The following PCCA variants were observed in gnomAD, a reference collection of about 807,000 sequenced individuals.
PCCA encodes the protein propionyl-CoA carboxylase subunit alpha, also known as propionyl-CoA carboxylase alpha chain, mitochondrial.
Under a neutral mutation model 101.3 loss-of-function variants are expected in PCCA, and 74 were observed. The observed-to-expected ratio is 0.73, with a 90% CI of 0.61 to 0.89. The LOEUF (loss-of-function observed/expected upper bound fraction) is 0.89, where lower values mean the gene tolerates loss of function less well. Among genes scored for constraint, PCCA ranks in the 40% least tolerant of loss-of-function variants. PCCA has a pLI of 0.00. For missense variants in PCCA, 891 were observed against 907.0 expected (o/e 0.98, Z 0.23); for synonymous variants, 294 against 313.6 (o/e 0.94, Z 0.66).
At chr13:100,411,640 C>T (rs1224732128) in intron 19 of PCCA, among the ~76,000 whole-genome samples, 1 of 152,204 alleles carries the variant, frequency 6.6e-6, no homozygotes, top group Non-Finnish European at 1.5e-5. Context: ...TCCTCCAGTT[C>T]TGTAGGCTGA....
intron 21 of PCCA, among the ~76,000 whole-genome samples, chr13:100,492,157 C>T (rs1274301201): frequency 2.6e-4 from 40 of 151,346 alleles, no homozygotes; most frequent in Admixed American, 3.3e-4. Context: ...TTTTTTGGGA[C>T]GGAGTCTCGC....
intron 6 of PCCA, among the ~76,000 whole-genome samples, chr13:100,199,707 G>A (rs1402849803): frequency 6.6e-6 from 1 of 152,016 alleles, no homozygotes. Context: ...CAAAATTTTG[G>A]TAGTTTAATG....
chr13:100,521,842 C>T (rs540435313), intron 22 of PCCA, among the ~76,000 whole-genome samples: 65 of 152,262 alleles, frequency 4.3e-4, no homozygotes, highest in African/African-American at 1.4e-3. Flanking sequence ...CGTGTTTTTC[C>T]GGTGGTCCGG....
intron 19 of PCCA, among the ~76,000 whole-genome samples, chr13:100,395,834 C>G (rs2077018924): frequency 6.6e-6 from 1 of 152,096 alleles, no homozygotes; most frequent in Admixed American, 6.5e-5. Flanking sequence ...TGTTAGGGAG[C>G]CCTATTTCTA....
At chr13:100,336,201 G>A (rs1332740093) in intron 17 of PCCA, among the ~76,000 whole-genome samples, 1 of 152,184 alleles carries the variant, frequency 6.6e-6, no homozygotes, top group Non-Finnish European at 1.5e-5. Flanking sequence ...GGTAAAGGTT[G>A]TGGTGAGCCG....
chr13:100,253,333 C>T (rs1207869542), intron 8 of PCCA, among the ~76,000 whole-genome samples: 1 of 152,140 alleles, frequency 6.6e-6, no homozygotes, highest in African/African-American at 2.4e-5. Flanking sequence ...TCATTGTCTG[C>T]TAGATAGCAG....
intron 20 of PCCA, among the ~76,000 whole-genome samples, chr13:100,440,284 C>T (rs775523422): frequency 8.9e-5 from 13 of 146,050 alleles, no homozygotes; most frequent in African/African-American, 2.2e-4. Flanking sequence ...ATATGATGGA[C>T]GAGATGTTAT....
At chr13:100,428,685 C>A (rs939122586) in intron 20 of PCCA, among the ~76,000 whole-genome samples, 1 of 152,016 alleles carries the variant, frequency 6.6e-6, no homozygotes, top group Admixed American at 6.6e-5. Flanking sequence ...TTGGACCCAC[C>A]CATAGCTTAC....
At chr13:100,204,555 C>T (rs1194621654) in intron 6 of PCCA, among the ~76,000 whole-genome samples, 3 of 152,152 alleles carry the variant, frequency 2.0e-5, no homozygotes, top group Non-Finnish European at 4.4e-5. Context: ...AATTTACTAA[C>T]TTGTGGTATT....
chr13:100,498,061 C>A (rs1454957585), intron 21 of PCCA, among the ~76,000 whole-genome samples: 2 of 151,736 alleles, frequency 1.3e-5, no homozygotes, highest in Non-Finnish European at 2.9e-5. Flanking sequence ...GAGACAAGGT[C>A]TTGCTATATT....
intron 12 of PCCA, among the ~76,000 whole-genome samples, chr13:100,300,414 C>G (rs948683627): frequency 1.3e-5 from 2 of 152,080 alleles, no homozygotes; most frequent in Admixed American, 6.6e-5. Flanking sequence ...TGACTAAGTC[C>G]TGTCCTTCAA....
At chr13:100,278,278 A>G (rs1372995461) in intron 12 of PCCA, among the ~76,000 whole-genome samples, 1 of 152,222 alleles carries the variant, frequency 6.6e-6, no homozygotes, top group East Asian at 1.9e-4. Context: ...GACGACTGCA[A>G]AATATTTGTA....
intron 12 of PCCA, among the ~76,000 whole-genome samples, chr13:100,298,902 C>G (rs2065847248): frequency 6.6e-6 from 1 of 151,454 alleles, no homozygotes; most frequent in Admixed American, 6.6e-5. Flanking sequence ...CTGGTAATAA[C>G]ACAGTCTAAA....
chr13:100,412,452 CAA>C (rs2078112840), intron 19 of PCCA, among the ~76,000 whole-genome samples: 2 of 152,022 alleles, frequency 1.3e-5, no homozygotes, highest in African/African-American at 2.4e-5. Context: ...AAGAAACAAA[CAA>C]GATACAAAGA....
intron 19 of PCCA, among the ~76,000 whole-genome samples, chr13:100,374,768 G>T (rs914086179): frequency 2.6e-5 from 4 of 152,136 alleles, no homozygotes; most frequent in Non-Finnish European, 1.5e-5. Context: ...TAATAAACTA[G>T]AAAGCAATTG....
At chr13:100,241,817 C>T (rs1471061828) in intron 8 of PCCA, among the ~76,000 whole-genome samples, 1 of 152,038 alleles carries the variant, frequency 6.6e-6, no homozygotes, top group East Asian at 1.9e-4. Context: ...TACCTCTTGG[C>T]TATTGTAAAT....
chr13:100,426,953 C>T (rs930583189), intron 20 of PCCA, among the ~76,000 whole-genome samples: 3 of 152,270 alleles, frequency 2.0e-5, no homozygotes, highest in South Asian at 2.1e-4. Context: ...CGGTGGCTCA[C>T]GCCTGTAATC....
At chr13:100,330,483 G>A (rs906772413) in intron 16 of PCCA, 78 bp from the exon 17 acceptor site, 2 of 858,876 alleles carry the variant, frequency 2.3e-6, no homozygotes, top group Non-Finnish European at 3.9e-6. Context: ...GAACAGTGAT[G>A]ATAAATTTCT....
chr13:100,259,524 G>A (rs980997531), intron 9 of PCCA, among the ~76,000 whole-genome samples: 10 of 151,546 alleles, frequency 6.6e-5, no homozygotes, highest in Non-Finnish European at 1.3e-4. Context: ...TAGTAGAGAC[G>A]GGGTTTCACC....
Sources: allele counts gnomAD v4.1 joint callset (sites outside exome capture counted in the v4.1 genomes callset), GRCh38; gene constraint gnomAD v4.1.1; transcripts MANE v1.5; gene names NCBI Gene and HGNC (gene_info 2026-07-23, HGNC 2026-07-21).